The following ANK3 variants were observed in gnomAD, a reference collection of about 807,000 sequenced individuals.
The protein encoded by ANK3 is ankyrin 3.
In ANK3, 57 loss-of-function variants were observed where a neutral mutation model predicts 370.9. The observed-to-expected ratio is 0.15, with a 90% CI of 0.12 to 0.19. The LOEUF (loss-of-function observed/expected upper bound fraction) is 0.19. ANK3 is among the 10% of genes least tolerant of loss of function. The probability of loss-of-function intolerance (pLI) is 1.00; values close to 1 mark genes in which losing one functional copy is unlikely to be tolerated. For missense variants in ANK3, 4,439 were observed against 5,302.1 expected (o/e 0.84, Z 5.06); for synonymous variants, 1,929 against 1,946.3 (o/e 0.99, Z 0.23).
At chr10:60,318,755 C>G (rs1298836408) in intron 1 of ANK3, among the ~76,000 whole-genome samples, 1 of 152,174 alleles carries the variant, frequency 6.6e-6, no homozygotes, top group Non-Finnish European at 1.5e-5. Context: ...AAAACATTAT[C>G]TCTTTTTTTA....
chr10:60,228,293 T>G lies in ANK3; in HGVS notation c.897+6395A>C, dbSNP rs151099383. The stretch of plus-strand genomic sequence containing the variant: ...GGCTCATGCCTGTAATCCTGCACTT[T>G]GGGAGGCCGAGGTGGGCGGATCACG... On this transcript the variant is annotated intron_variant, in intron 8 of 43. Coordinates refer to ENST00000280772, the MANE Select transcript of ANK3 (RefSeq NM_020987.5). Among the ~76,000 whole-genome samples the G allele has an allele frequency of 2.0e-3, 307 of 152,244 alleles. 2 individuals carry two copies. Among genetic ancestry groups the G allele is most frequent in the African/African-American group, 7.1e-3 (295 of 41,550 alleles).
At chr10:60,689,538 G>T (rs914325476) in intron 1 of ANK3, among the ~76,000 whole-genome samples, 1 of 152,100 alleles carries the variant, frequency 6.6e-6, no homozygotes, top group African/African-American at 2.4e-5. Context: ...GATCACTTGA[G>T]CTCAGGAGTT....
rs570070369 is a variant in ANK3 at position 60,204,102 on chromosome 10, C to T, written c.1294-1002G>A. 6.8e-4 allele frequency among the ~76,000 whole-genome samples: 104 copies of T among 152,210 alleles called. 1 individual carries two copies. Among genetic ancestry groups the T allele is most frequent in the Admixed American group, 2.8e-3 (43 of 15,298 alleles). ...AAAAATATATGAAAGGAATTCTATA[C>T]AATCAAAGTGAGGTAAAAGACAGAA... On this transcript the variant is annotated intron_variant, in intron 11 of 43. Transcript: ENST00000280772.
At chr10:60,571,752 C>A (rs144696544) in intron 2 of ANK3, among the ~76,000 whole-genome samples, 7 of 152,082 alleles carry the variant, frequency 4.6e-5, no homozygotes, top group East Asian at 1.9e-4. Context: ...ATCTTTTTTC[C>A]CCATTTCAAA....
chr10:60,402,485 G>A (rs1192348039), intron 2 of ANK3, among the ~76,000 whole-genome samples: 1 of 152,098 alleles, frequency 6.6e-6, no homozygotes, highest in Non-Finnish European at 1.5e-5. Context: ...TTAACATGCA[G>A]GAGACTGAAA....
chr10:60,317,880 A>AT (rs575461856), intron 1 of ANK3, among the ~76,000 whole-genome samples: 255 of 151,600 alleles, frequency 1.7e-3, no homozygotes, highest in Non-Finnish European at 2.7e-3. Flanking sequence ...TGCCCAGCTA[A>AT]TTTTTTTTGT....
chr10:60,070,426 A>G lies in ANK3; in HGVS notation c.10455T>C (p.Ser3485=). 3 of 1,614,080 alleles carry G rather than the reference A, an allele frequency of 1.9e-6. No homozygotes were observed. The highest frequency in any genetic ancestry group is 2.5e-6 in the Non-Finnish European group (3 of 1,180,002). Residue 3485 remains serine, a synonymous_variant, in exon 37 of 44, where the codon TCT becomes TCC. Coordinates refer to ENST00000280772, the MANE Select transcript of ANK3 (RefSeq NM_020987.5). This position sits in a 1 kb window ranked among gnomAD's most constrained non-coding sequence, Gnocchi z 5.7. ...PDEDKPPSKS[S]SSEKTPDKTD... ...TCTTATCAGGAGTCTTTTCAGATGA[A>G]GAACTTTTAGAAGGTGGCTTGTCCT...
intron 43 of ANK3, among the ~76,000 whole-genome samples, chr10:60,038,548 A>C (rs2075533360): frequency 6.6e-6 from 1 of 152,200 alleles, no homozygotes; most frequent in Admixed American, 6.5e-5. Context: ...CAGAATAAAG[A>C]GATAACCTAC....
At position 60,615,158 on chromosome 10, in the gene ANK3, T is replaced by C. The variant is rs112077293; in HGVS notation, c.96+28A>G. On this transcript the variant is annotated intron_variant, in intron 2 of 43. Coordinates refer to the ANK3 transcript ENST00000373827. ...ACTTGTCCACACAAAATAATATATT[T>C]GTTGAGTTTAGTGATAATTTTCATT... 8.1e-4 allele frequency: 1,149 copies of C among 1,423,090 alleles called. 7 individuals carry two copies. In the African/African-American group the frequency reaches 0.015, roughly 18 times the overall value. 88.2% of individuals were successfully genotyped at this position (1,423,090 alleles called of 1,614,324 possible).
chr10:60,315,809 G>T (rs954614282), intron 1 of ANK3, among the ~76,000 whole-genome samples: 2 of 151,952 alleles, frequency 1.3e-5, no homozygotes, highest in African/African-American at 4.8e-5. Flanking sequence ...GGCCCCATTT[G>T]CTACCATTCT....
chr10:60,141,561 G>GTTTTTTGTTTT (rs2094558144), intron 23 of ANK3, among the ~76,000 whole-genome samples: 25 of 49,016 alleles, frequency 5.1e-4, no homozygotes, highest in African/African-American at 2.1e-3. Flanking sequence ...TTCAATTGCT[G>GTTTTTTGTTTT]TTTTTTTTTT....
At chr10:60,184,830 C>G (rs1186559415) in intron 17 of ANK3, among the ~76,000 whole-genome samples, 1 of 152,120 alleles carries the variant, frequency 6.6e-6, no homozygotes. Flanking sequence ...TGGAAATATT[C>G]AATTTAAACC....
At chr10:60,588,350 A>G (rs997216659) in intron 2 of ANK3, among the ~76,000 whole-genome samples, 14 of 151,350 alleles carry the variant, frequency 9.3e-5, no homozygotes, top group Non-Finnish European at 1.8e-4. Context: ...ATGCTTGGCT[A>G]ATTTTTGTAT....
chr10:60,438,049 G>C (rs186391797), intron 2 of ANK3, among the ~76,000 whole-genome samples: 31 of 152,198 alleles, frequency 2.0e-4, no homozygotes, highest in African/African-American at 6.5e-4. Flanking sequence ...TTAAAGCTGA[G>C]AGGAGGCCAA....
intron 2 of ANK3, among the ~76,000 whole-genome samples, chr10:60,461,604 C>T (rs1044507922): frequency 2.0e-5 from 3 of 152,056 alleles, no homozygotes; most frequent in African/African-American, 7.3e-5. Context: ...CTGACTTCAA[C>T]ATTCCATCAA....
At chr10:60,490,400 T>C (rs1364846536) in intron 2 of ANK3, among the ~76,000 whole-genome samples, 1 of 152,168 alleles carries the variant, frequency 6.6e-6, no homozygotes, top group African/African-American at 2.4e-5. Context: ...CCGCACTTCC[T>C]CAAACCTCCT....
rs2076280783 is a variant in ANK3 at position 60,042,542 on chromosome 10, G to A, written c.*19+130C>T. 11 of 921,828 alleles carry A rather than the reference G, an allele frequency of 1.2e-5. No homozygotes were observed. In the South Asian group the frequency reaches 1.4e-4, roughly 12 times the overall value. The allele number at this position is 921,828 out of a possible 1,614,324, so 57.1% of individuals were successfully genotyped here. A position where few individuals can be genotyped will look rare whatever the true frequency, so the allele number is the denominator to read the frequency against. ...ACATCAACAGAACTTGAACAACTTC[G>A]TATTTGATTTTCAAAGCTGAAATTC... On this transcript the variant is annotated intron_variant, in intron 43 of 43. Transcript: ENST00000280772.
intron 43 of ANK3, among the ~76,000 whole-genome samples, chr10:60,036,422 A>ATTTTTTT (rs563946588): frequency 0.054 from 3,891 of 72,094 alleles, 766 homozygotes; most frequent in Non-Finnish European, 0.065. Context: ...GTCAGAGGCA[A>ATTTTTTT]TTTTTTTTTT....
At chr10:60,353,595 AGACC>A (rs909198371) in intron 1 of ANK3, among the ~76,000 whole-genome samples, 7 of 152,166 alleles carry the variant, frequency 4.6e-5, no homozygotes, top group Non-Finnish European at 1.0e-4. Flanking sequence ...GATGTAGTTA[AGACC>A]TTTGGCCCAC....
Sources: allele counts gnomAD v4.1 joint callset (sites outside exome capture counted in the v4.1 genomes callset), GRCh38; gene constraint gnomAD v4.1.1; non-coding constraint Gnocchi (gnomAD v3.1); transcripts MANE v1.5; gene names NCBI Gene and HGNC (gene_info 2026-07-23, HGNC 2026-07-21).